The following RBFOX1 variants were observed in gnomAD, a reference collection of about 807,000 sequenced individuals.
RBFOX1 encodes the protein RNA binding fox-1 homolog 1.
Under a neutral mutation model 57.7 loss-of-function variants are expected in RBFOX1, and 8 were observed. The observed-to-expected ratio is 0.14, with a 90% CI of 0.08 to 0.25. The LOEUF (loss-of-function observed/expected upper bound fraction) is 0.25. Ranked by LOEUF, RBFOX1 falls within the 10% of genes least tolerant of loss-of-function variation. The probability of loss-of-function intolerance (pLI) is 1.00; values close to 1 mark genes in which losing one functional copy is unlikely to be tolerated. For missense variants in RBFOX1, 611 were observed against 548.5 expected (o/e 1.11, Z -1.14); for synonymous variants, 326 against 222.4 (o/e 1.47, Z -4.15).
intron 4 of RBFOX1, among the ~76,000 whole-genome samples, chr16:7,476,264 C>G (rs937173673): frequency 6.6e-6 from 1 of 152,218 alleles, no homozygotes; most frequent in Non-Finnish European, 1.5e-5. Flanking sequence ...TGAGCCATAA[C>G]TTCTGGCCTA....
intron 3 of RBFOX1, among the ~76,000 whole-genome samples, chr16:6,756,615 C>CAAT (rs370818178): frequency 8.6e-5 from 13 of 151,826 alleles, no homozygotes; most frequent in African/African-American, 2.4e-4. Flanking sequence ...AACTCCATAG[C>CAAT]AATAATAATA....
intron 1 of RBFOX1, among the ~76,000 whole-genome samples, chr16:6,107,150 T>C (rs1191327367): frequency 6.6e-6 from 1 of 152,134 alleles, no homozygotes; most frequent in Non-Finnish European, 1.5e-5. Flanking sequence ...CTTTTTTGTT[T>C]TTTTGTTTTT....
chr16:5,503,793 C>T (rs1443798424), intron 2 of RBFOX1, among the ~76,000 whole-genome samples: 1 of 152,184 alleles, frequency 6.6e-6, no homozygotes, highest in Non-Finnish European at 1.5e-5. Context: ...TCTCCACCAT[C>T]ACTTTTAGAA....
chr16:6,453,408 C>T (rs1031101731), intron 2 of RBFOX1, among the ~76,000 whole-genome samples: 8 of 152,016 alleles, frequency 5.3e-5, no homozygotes, highest in African/African-American at 7.3e-5. Flanking sequence ...TGATGGTCTA[C>T]GCAAATAAAC....
intron 3 of RBFOX1, among the ~76,000 whole-genome samples, chr16:6,951,651 T>G (rs932458630): frequency 6.6e-6 from 1 of 152,158 alleles, no homozygotes; most frequent in African/African-American, 2.4e-5. Flanking sequence ...TTCGTAAGTA[T>G]AGTATCACTT....
chr16:7,239,756 G>C (rs1049151379), intron 4 of RBFOX1, among the ~76,000 whole-genome samples: 3 of 152,120 alleles, frequency 2.0e-5, no homozygotes, highest in African/African-American at 7.2e-5. Context: ...ATGTTTCTTT[G>C]AATCAGCAGT....
At chr16:6,997,219 T>C (rs1215037764) in intron 3 of RBFOX1, among the ~76,000 whole-genome samples, 2 of 152,144 alleles carry the variant, frequency 1.3e-5, no homozygotes, top group African/African-American at 2.4e-5. Flanking sequence ...TCTTAAGAGA[T>C]GGTAAGTCCC....
intron 3 of RBFOX1, among the ~76,000 whole-genome samples, chr16:5,728,222 G>C (rs2052227310): frequency 6.6e-6 from 1 of 152,172 alleles, no homozygotes; most frequent in Non-Finnish European, 1.5e-5. Flanking sequence ...CATTGACAGA[G>C]AACGAATACA....
chr16:7,178,300 C>T (rs907760485), intron 4 of RBFOX1, among the ~76,000 whole-genome samples: 3 of 152,284 alleles, frequency 2.0e-5, no homozygotes, highest in East Asian at 1.9e-4. Context: ...TCTTGATTGA[C>T]GTCACTGAGA....
chr16:6,970,112 A>G (rs1254581152), intron 3 of RBFOX1, among the ~76,000 whole-genome samples: 1 of 152,102 alleles, frequency 6.6e-6, no homozygotes, highest in East Asian at 1.9e-4. Flanking sequence ...TAGGGGTTCA[A>G]GACTGAAGCG....
intron 2 of RBFOX1, among the ~76,000 whole-genome samples, chr16:5,547,722 G>A (rs527350898): frequency 6.6e-6 from 1 of 152,246 alleles, no homozygotes; most frequent in South Asian, 2.1e-4. Flanking sequence ...CCGTATCAAA[G>A]CACAAAAATC....
At chr16:6,804,801 A>G (rs1397485434) in intron 3 of RBFOX1, among the ~76,000 whole-genome samples, 3 of 152,168 alleles carry the variant, frequency 2.0e-5, no homozygotes, top group Non-Finnish European at 4.4e-5. Flanking sequence ...AAGTATGTGC[A>G]TTTGCCACTC....
intron 4 of RBFOX1, among the ~76,000 whole-genome samples, chr16:7,284,084 C>G (rs912120820): frequency 6.6e-6 from 1 of 152,194 alleles, no homozygotes; most frequent in African/African-American, 2.4e-5. Context: ...ATTTGAGATT[C>G]ATCCAGGTAG....
At chr16:7,255,564 A>G (rs1049512871) in intron 4 of RBFOX1, among the ~76,000 whole-genome samples, 1 of 152,182 alleles carries the variant, frequency 6.6e-6, no homozygotes, top group Admixed American at 6.5e-5. Context: ...CACATTATCT[A>G]TTTTTAAAGC....
chr16:5,931,585 C>T (rs908349788), intron 4 of RBFOX1, among the ~76,000 whole-genome samples: 3 of 152,106 alleles, frequency 2.0e-5, no homozygotes, highest in African/African-American at 7.2e-5. Flanking sequence ...GCAGCTGGGT[C>T]TGAAAAGACG....
In RBFOX1 at chr16:7,692,241, A is replaced by T. The variant is rs17144608; in HGVS notation, c.995+15403A>T. 1.9e-3 allele frequency among the ~76,000 whole-genome samples: 289 copies of T among 152,298 alleles called. 1 individual carries two copies. The highest frequency in any genetic ancestry group is 6.3e-3 in the African/African-American group (264 of 41,576). On this transcript the variant is annotated intron_variant, in intron 14 of 15. Transcript: ENST00000550418. ...TAAAAATATTATTCTCAAAGCATGT[A>T]TAACTTGTTTATATTTTATTGGTGT... is the stretch of plus-strand genomic sequence containing the variant.
chr16:6,188,936 AT>A lies in RBFOX1; in HGVS notation c.-126-128055del, dbSNP rs910324829. Among the ~76,000 whole-genome samples the A allele has an allele frequency of 4.1e-4, 63 of 152,212 alleles. 2 individuals carry two copies. Among genetic ancestry groups the A allele is most frequent in the Admixed American group, 5.2e-4 (8 of 15,280 alleles). ...TCTGTAATAAGAGAGGTTGAAAGAA[AT>A]TTTGCAGTGCCAAATGAGACTCCAA... is the stretch of plus-strand genomic sequence containing the variant. On this transcript the variant is annotated intron_variant, in intron 1 of 15. Coordinates refer to ENST00000550418, the MANE Select transcript of RBFOX1 (RefSeq NM_018723.4).
chr16:6,518,837 A>G (rs912854689), intron 2 of RBFOX1, among the ~76,000 whole-genome samples: 15 of 132,496 alleles, frequency 1.1e-4, no homozygotes, highest in East Asian at 2.1e-4. Flanking sequence ...CTATCTATCT[A>G]TCTATCTATC....
intron 3 of RBFOX1, among the ~76,000 whole-genome samples, chr16:6,818,660 C>T (rs2090649726): frequency 1.3e-5 from 2 of 152,110 alleles, no homozygotes; most frequent in South Asian, 2.1e-4. Context: ...ATTTTTCCCC[C>T]CTTCTTCTGG....
Sources: allele counts gnomAD v4.1 joint callset (sites outside exome capture counted in the v4.1 genomes callset), GRCh38; gene constraint gnomAD v4.1.1; transcripts MANE v1.5; gene names NCBI Gene and HGNC (gene_info 2026-07-23, HGNC 2026-07-21).